Variants in PCDHA13 observed in about 807,000 individuals in gnomAD.
PCDHA13 encodes the protein protocadherin alpha-13.
Under a neutral mutation model 64.8 loss-of-function variants are expected in PCDHA13, and 54 were observed. The ratio of observed to expected loss-of-function variants is 0.83; its 90% CI spans 0.67 to 1.04. The LOEUF (loss-of-function observed/expected upper bound fraction) is 1.04, where lower values mean the gene tolerates loss of function less well. Among genes scored for constraint, PCDHA13 ranks in the 50% least tolerant of loss-of-function variants. The pLI, the probability that PCDHA13 is intolerant of heterozygous loss-of-function variation, is 0.00. For synonymous variants in PCDHA13, 587 were observed against 564.4 expected (o/e 1.04, Z -0.57); for missense variants, 1,248 against 1,254.3 (o/e 0.99, Z 0.08).
chr5:140,985,533 G>T (rs2097156708), intron 3 of PCDHA13, among the ~76,000 whole-genome samples: 1 of 152,082 alleles, frequency 6.6e-6, no homozygotes, highest in Admixed American at 6.6e-5. Context: ...AAGCTTCACG[G>T]TGAAGATGCA....
intron 3 of PCDHA13, among the ~76,000 whole-genome samples, chr5:140,997,598 TG>T (rs1182118908): frequency 6.6e-5 from 10 of 152,124 alleles, no homozygotes; most frequent in Admixed American, 2.0e-4. Context: ...AACATGATTA[TG>T]GGGCGCATGA....
chr5:140,915,832 A>T (rs1297251550), intron 1 of PCDHA13, among the ~76,000 whole-genome samples: 1 of 152,084 alleles, frequency 6.6e-6, no homozygotes, highest in Non-Finnish European at 1.5e-5. Context: ...GGGCTCTAAG[A>T]TCAGCAGGGG....
At chr5:140,890,718 T>A (rs2062769103) in intron 1 of PCDHA13, among the ~76,000 whole-genome samples, 1 of 152,212 alleles carries the variant, frequency 6.6e-6, no homozygotes, top group Non-Finnish European at 1.5e-5. Context: ...AAAATCTTTT[T>A]AATCCCTTTT....
At chr5:140,908,895 G>A (rs1381470212) in intron 1 of PCDHA13, among the ~76,000 whole-genome samples, 1 of 152,158 alleles carries the variant, frequency 6.6e-6, no homozygotes, top group Non-Finnish European at 1.5e-5. Flanking sequence ...TCCCAAATAA[G>A]CCTCTTTCGT....
chr5:140,968,159 A>T, intron 1 of PCDHA13: 6 of 1,614,136 alleles, frequency 3.7e-6, no homozygotes, highest in Non-Finnish European at 4.2e-6. Flanking sequence ...CATCAATGAC[A>T]ATCCACCAAG....
intron 1 of PCDHA13, among the ~76,000 whole-genome samples, chr5:140,937,865 T>C (rs1056873213): frequency 2.0e-5 from 3 of 149,988 alleles, no homozygotes; most frequent in Non-Finnish European, 2.9e-5. Context: ...TGAGCCGAGA[T>C]CGCGCCACTG....
rs782410675 is a variant in PCDHA13 at position 140,884,460 on chromosome 5, C to G, written c.2192C>G (p.Ala731Gly). The change falls in exon 1 of 4, where the codon GCG (alanine) becomes GGG (glycine). Residue 731 changes from alanine (A) to glycine (G), a missense_variant. Coordinates refer to ENST00000289272, the MANE Select transcript of PCDHA13 (RefSeq NM_018904.3). ...TGCTCGGCACCGCCCACCGAGGGCGCGTGCGCGCCGGGCAAGCCCACTCTA... is the reference window on the plus strand; with the variant it reads ...TGCTCGGCACCGCCCACCGAGGGCGGGTGCGCGCCGGGCAAGCCCACTCTA... ...LRCSAPPTEG[A>G]CAPGKPTLVC... is the part of the protein sequence containing the mutation. The G allele has an allele frequency of 2.5e-6, 4 of 1,613,614 alleles. No individual in the cohort carries two copies. Among genetic ancestry groups the G allele is most frequent in the Non-Finnish European group, 2.5e-6 (3 of 1,179,818 alleles).
At chr5:140,927,220 A>T (rs1554204179) in intron 1 of PCDHA13, 1 of 1,614,090 alleles carries the variant, frequency 6.2e-7, no homozygotes, top group Admixed American at 1.7e-5. Flanking sequence ...GCTGCACAAG[A>T]TTCGGATTCA....
Position 140,932,626 on chromosome 5 carries a change from C to T in PCDHA13, c.2395-46323C>T, listed in dbSNP as rs965543719. 1.2e-4 allele frequency among the ~76,000 whole-genome samples: 18 copies of T among 151,670 alleles called. 1 individual carries two copies. The highest frequency in any genetic ancestry group is 8.9e-5 in the Non-Finnish European group (6 of 67,754). On this transcript the variant is annotated intron_variant, in intron 1 of 3. Coordinates refer to ENST00000289272, the MANE Select transcript of PCDHA13 (RefSeq NM_018904.3). ...TTTGACTTTGAAGCTGATAACCACA[C>T]TAAAAAACTTTAGAATGATGAAACT...
chr5:140,970,595 G>C (rs1554232604), intron 1 of PCDHA13, among the ~76,000 whole-genome samples: 1 of 152,098 alleles, frequency 6.6e-6, no homozygotes, highest in African/African-American at 2.4e-5. Context: ...TATGCTTTGT[G>C]ATACTTAAAA....
At chr5:140,941,563 C>T (rs2093116700) in intron 1 of PCDHA13, among the ~76,000 whole-genome samples, 1 of 151,946 alleles carries the variant, frequency 6.6e-6, no homozygotes, top group Admixed American at 6.6e-5. Context: ...GATCCATTCG[C>T]CTCAGCCTCC....
Position 140,883,391 on chromosome 5 carries a change from T to C in PCDHA13, c.1123T>C (p.Ser375Pro), listed in dbSNP as rs1301270294. 8 of 1,614,052 alleles carry C rather than the reference T, an allele frequency of 5.0e-6. No homozygotes were observed. The highest frequency in any genetic ancestry group is 6.8e-6 in the Non-Finnish European group (8 of 1,180,034). The change falls in exon 1 of 4, where the codon TCC becomes CCC. Residue 375 changes from serine (S) to proline (P), a missense_variant. Transcript: ENST00000289272. ...PSAIIALISV[S>P]DRDSGSNGQV... ...CGCCATTATTGCCCTAATCAGTGTG[T>C]CCGATCGTGACTCTGGCTCAAATGG...
rs782806604 is a variant in PCDHA13 at position 140,883,701 on chromosome 5, C to T, written c.1433C>T (p.Ser478Phe). 6.2e-7 allele frequency: 1 copy of T among 1,613,808 alleles called. No individual in the cohort carries two copies. The highest frequency in any genetic ancestry group is 1.7e-5 in the Admixed American group (1 of 60,012). Residue 478 changes from serine to phenylalanine, a missense_variant, in exon 1 of 4, where the codon TCT (serine) becomes TTT (phenylalanine). Ser to Phe is a radical substitution (Grantham distance 155). Transcript: ENST00000289272. ...NPPGCHIFTV[S>F]AQDADAQENA... The stretch of plus-strand genomic sequence containing the variant: ...CCGGGCTGCCACATCTTCACGGTGT[C>T]TGCTCAGGACGCGGACGCACAGGAG...
At chr5:140,914,079 A>G (rs2076595090) in intron 1 of PCDHA13, among the ~76,000 whole-genome samples, 1 of 152,164 alleles carries the variant, frequency 6.6e-6, no homozygotes, top group South Asian at 2.1e-4. Context: ...ATAACTATCT[A>G]TTAGGTCAAT....
chr5:141,010,232 A>C lies in PCDHA13; in HGVS notation c.*295A>C. The C allele has an allele frequency of 1.3e-6, 2 of 1,551,952 alleles. No individual in the cohort carries two copies. The highest frequency in any genetic ancestry group is 1.7e-6 in the Non-Finnish European group (2 of 1,147,050). The stretch of plus-strand genomic sequence containing the variant: ...AAAGGAGAGGCTTCCCAGCCCCGCC[A>C]GTGAGAGGTTGGACTCTCTGCCCTG... On this transcript the variant is annotated 3_prime_UTR_variant, in exon 4 of 4. Coordinates refer to ENST00000289272, the MANE Select transcript of PCDHA13 (RefSeq NM_018904.3).
At position 140,917,079 on chromosome 5, in the gene PCDHA13, A is replaced by G. The variant is rs115825402; in HGVS notation, c.2394+32417A>G. Among the ~76,000 whole-genome samples the G allele has an allele frequency of 8.0e-3, 1,217 of 152,106 alleles. 6 individuals carry two copies. The highest frequency in any genetic ancestry group is 0.019 in the African/African-American group (785 of 41,476). On this transcript the variant is annotated intron_variant, in intron 1 of 3. Coordinates refer to ENST00000289272, the MANE Select transcript of PCDHA13 (RefSeq NM_018904.3). ...GCTACGACAGCACCGAGTTTAATGT[A>G]AAGTTCCCCAGTTGCTGTGCTTTAC... is the stretch of plus-strand genomic sequence containing the variant.
chr5:140,947,772 G>A (rs77655739), intron 1 of PCDHA13, among the ~76,000 whole-genome samples: 3,551 of 151,528 alleles, frequency 0.023, 49 homozygotes, highest in Middle Eastern at 0.034. Flanking sequence ...AAATTCTATT[G>A]TAAATGGATT....
intron 1 of PCDHA13, among the ~76,000 whole-genome samples, chr5:140,936,121 G>C (rs1381895785): frequency 6.6e-6 from 1 of 152,068 alleles, no homozygotes; most frequent in Non-Finnish European, 1.5e-5. Flanking sequence ...TCGAACTCCT[G>C]ACCTTAAGTG....
In PCDHA13 at chr5:140,886,687, A is replaced by G. The variant is rs553566283; in HGVS notation, c.2394+2025A>G. On this transcript the variant is annotated intron_variant, in intron 1 of 3. Coordinates refer to ENST00000289272, the MANE Select transcript of PCDHA13 (RefSeq NM_018904.3). The stretch of plus-strand genomic sequence containing the variant: ...CTAAAAATACAAAAATTAGCGAGGC[A>G]TGGTGGCACGCGCCTGTAATCCCAG... Among the ~76,000 whole-genome samples, 418 of 152,114 alleles carry G rather than the reference A, an allele frequency of 2.7e-3. 2 individuals are homozygous for G. Among genetic ancestry groups the G allele is most frequent in the Middle Eastern group, 0.014 (4 of 294 alleles).
Sources: allele counts gnomAD v4.1 joint callset (sites outside exome capture counted in the v4.1 genomes callset), GRCh38; gene constraint gnomAD v4.1.1; transcripts MANE v1.5; gene names NCBI Gene and HGNC (gene_info 2026-07-23, HGNC 2026-07-21).